The following SPTB variants were observed in gnomAD, a reference collection of about 807,000 sequenced individuals.
SPTB encodes spectrin beta, erythrocytic, also known as spectrin beta chain, erythrocytic.
Under a neutral mutation model 256.2 loss-of-function variants are expected in SPTB, and 45 were observed. The ratio of observed to expected loss-of-function variants is 0.18; its 90% CI spans 0.14 to 0.23. The LOEUF is 0.23. Ranked by LOEUF, SPTB falls within the 10% of genes least tolerant of loss-of-function variation. The pLI, the probability that SPTB is intolerant of heterozygous loss-of-function variation, is 1.00. For missense variants in SPTB, 2,715 were observed against 3,040.4 expected, an observed-to-expected ratio of 0.89 and a Z score of 2.52; for synonymous variants, 1,231 against 1,243.1, an observed-to-expected ratio of 0.99 and a Z score of 0.21.
At chr14:64,836,555 C>T (rs1056608058) in intron 1 of SPTB, among the ~76,000 whole-genome samples, 2 of 152,048 alleles carry the variant, frequency 1.3e-5, no homozygotes, top group Non-Finnish European at 2.9e-5. Context: ...TCCCCATTGC[C>T]CCTTCTGTGA....
At chr14:64,857,000 A>T (rs917087009) in intron 1 of SPTB, among the ~76,000 whole-genome samples, 1 of 152,178 alleles carries the variant, frequency 6.6e-6, no homozygotes, top group Non-Finnish European at 1.5e-5. Flanking sequence ...TCATTTGTTC[A>T]TATGGTCCTG....
Position 64,779,555 on chromosome 14 carries a change from G to A in SPTB, c.4473+170C>T, listed in dbSNP as rs1017349164. Reference sequence around the variant, plus strand: ...AGTGAACAGTGCATTCCCAACAAAAGCACTGGCTTGAGCTTTCCATTTAAT... The same window carrying A: ...AGTGAACAGTGCATTCCCAACAAAAACACTGGCTTGAGCTTTCCATTTAAT... On this transcript the variant is annotated intron_variant, in intron 21 of 35. Transcript: ENST00000644917. The surrounding 1 kb of genome is among the most constrained non-coding windows in gnomAD (Gnocchi z 4.2). 6.6e-6 allele frequency among the ~76,000 whole-genome samples: 1 copy of A among 152,202 alleles called. No individual in the cohort carries two copies. The highest frequency in any genetic ancestry group is 6.5e-5 in the Admixed American group (1 of 15,288).
Position 64,753,665 on chromosome 14 carries a change from C to A in SPTB, c.6474G>T (p.Thr2158=). 1 of 1,613,732 alleles carries A rather than the reference C, an allele frequency of 6.2e-7. No individual in the cohort carries two copies. The highest frequency in any genetic ancestry group is 8.5e-7 in the Non-Finnish European group (1 of 1,180,032). The change falls in exon 33 of 36, where the codon ACG becomes ACT. Residue 2158 remains threonine, a synonymous_variant. Coordinates refer to ENST00000644917, the MANE Select transcript of SPTB (RefSeq NM_001355436.2). ...CGGGCTCATCACCCTCGCTCAGAGGCGTATCTAGGACCTTAAAGAGGGGCT... is the reference window on the plus strand; with the variant it reads ...CGGGCTCATCACCCTCGCTCAGAGGAGTATCTAGGACCTTAAAGAGGGGCT... ...TTEPLFKVLD[T]PLSEGDEPAT...
At chr14:64,768,990 G>A in intron 29 of SPTB, 44 bp downstream of exon 29, 1 of 1,512,456 alleles carries the variant, frequency 6.6e-7, no homozygotes. Flanking sequence ...TACTCCTGCG[G>A]GGGTACTCCT....
chr14:64,841,759 T>A lies in SPTB; in HGVS notation c.-51-18614A>T, dbSNP rs1415800139. 7.1e-6 allele frequency among the ~76,000 whole-genome samples: 1 copy of A among 141,358 alleles called. No individual in the cohort carries two copies. The highest frequency in any genetic ancestry group is 3.0e-5 in the African/African-American group (1 of 33,426). 92.7% of individuals were successfully genotyped at this position (141,358 alleles called of 152,430 possible). A position where few individuals can be genotyped will look rare whatever the true frequency, so the allele number is the denominator to read the frequency against. ...ACATCCCATATATATATATATATTT[T>A]TTAAGGGTCTTTCTTTAACACAGCA... On this transcript the variant is annotated intron_variant, in intron 1 of 35. Coordinates refer to ENST00000644917, the MANE Select transcript of SPTB (RefSeq NM_001355436.2). This position sits in a 1 kb window ranked among gnomAD's most constrained non-coding sequence, Gnocchi z 4.6.
At chr14:64,809,448 C>T (rs1461440420) in intron 2 of SPTB, among the ~76,000 whole-genome samples, 2 of 151,672 alleles carry the variant, frequency 1.3e-5, no homozygotes, top group East Asian at 2.0e-4. Context: ...CGAGTTCAAG[C>T]GATTCTCTTG....
At chr14:64,805,924 C>T (rs1435398110) in intron 2 of SPTB, among the ~76,000 whole-genome samples, 1 of 152,144 alleles carries the variant, frequency 6.6e-6, no homozygotes, top group Admixed American at 6.5e-5. Context: ...CTATCTTTCT[C>T]AGCCCTGGGA....
chr14:64,782,282 T>A lies in SPTB; in HGVS notation c.4266+8A>T. The A allele has an allele frequency of 6.2e-7, 1 of 1,614,190 alleles. No homozygotes were observed. The highest frequency in any genetic ancestry group is 8.5e-7 in the Non-Finnish European group (1 of 1,180,046). ...CTAACACTCTGAGTCTACAACCCAC[T>A]CACGTGCCTTCAGCTTAGCCAACAT... On this transcript the variant is annotated splice_region_variant and intron_variant, in intron 20 of 35. Transcript: ENST00000644917.
chr14:64,784,109 A>G, intron 19 of SPTB, 138 bp downstream of exon 19: 1 of 1,274,254 alleles, frequency 7.8e-7, no homozygotes, highest in Non-Finnish European at 1.1e-6. Context: ...AGGTTTAGCT[A>G]CTATTTAGAA....
chr14:64,878,658 A>G (rs1470726163), intron 1 of SPTB, among the ~76,000 whole-genome samples: 1 of 152,060 alleles, frequency 6.6e-6, no homozygotes, highest in African/African-American at 2.4e-5. Flanking sequence ...TTAGAAACTA[A>G]AATACGGATC....
intron 2 of SPTB, among the ~76,000 whole-genome samples, chr14:64,809,968 A>G (rs770477905): frequency 1.3e-5 from 2 of 152,204 alleles, no homozygotes; most frequent in Non-Finnish European, 2.9e-5. Context: ...TTTTAAATAT[A>G]TTTAAATTAT....
intron 26 of SPTB, among the ~76,000 whole-genome samples, chr14:64,771,984 C>T (rs1021432456): frequency 2.6e-4 from 39 of 152,322 alleles, no homozygotes; most frequent in African/African-American, 8.9e-4. Flanking sequence ...AGCTCTGGGG[C>T]ACCCTACGGA....
In SPTB at chr14:64,782,310, G is replaced by T. The variant is rs975597244; in HGVS notation, c.4246C>A (p.Arg1416=). 1 of 1,614,168 alleles carries T rather than the reference G, an allele frequency of 6.2e-7. No homozygotes were observed. The part of the protein sequence containing the change: ...DPGKDLTSVN[R]MLAKLKRVED... ...CGTGCCTTCAGCTTAGCCAACATCC[G>T]ATTGACACTGGTCAGGTCCTTGCCC... The change falls in exon 20 of 36, where the codon CGG becomes AGG. Residue 1416 remains arginine, a synonymous_variant. Coordinates refer to ENST00000644917, the MANE Select transcript of SPTB (RefSeq NM_001355436.2).
rs146026815 is a variant in SPTB at position 64,776,680 on chromosome 14, G to T, written c.4564-1277C>A. On this transcript the variant is annotated intron_variant, in intron 22 of 35. Transcript: ENST00000644917. ...TGGTCTCAAACTCCTGGGCTCAGGC[G>T]ATCCACCCGCTTCGGCCTCCCAAAG... Among the ~76,000 whole-genome samples, 1,013 of 152,246 alleles carry T rather than the reference G, an allele frequency of 6.7e-3. 5 individuals carry two copies. The highest frequency in any genetic ancestry group is 0.014 in the Middle Eastern group (4 of 294).
chr14:64,758,035 T>C lies in SPTB; in HGVS notation c.6346-4242A>G, dbSNP rs545199265. ...TCTGGGGGAAGGGAGAGAACCTTCC[T>C]GACTCAGTTAGTGGGAGTGAGCCCA... is the stretch of plus-strand genomic sequence containing the variant. On this transcript the variant is annotated intron_variant, in intron 32 of 35. Transcript: ENST00000644917. The surrounding 1 kb of genome is among the most constrained non-coding windows in gnomAD (Gnocchi z 4.6). Among the ~76,000 whole-genome samples the C allele has an allele frequency of 6.6e-6, 1 of 152,354 alleles. No homozygotes were observed. Among genetic ancestry groups the C allele is most frequent in the South Asian group, 2.1e-4 (1 of 4,822 alleles).
rs777983876 is a variant in SPTB, at chr14:64,873,497, G to A, written c.-52+6295C>T. 1.3e-5 allele frequency among the ~76,000 whole-genome samples: 2 copies of A among 152,186 alleles called. No individual in the cohort carries two copies. Among genetic ancestry groups the A allele is most frequent in the Non-Finnish European group, 2.9e-5 (2 of 68,038 alleles). ...AACCCAAAACATCAATTAACGGGCA[G>A]ATGAACCCTTCATTTATCTATGGCA... is the stretch of plus-strand genomic sequence containing the variant. On this transcript the variant is annotated intron_variant, in intron 1 of 35. Transcript: ENST00000644917. The surrounding 1 kb of genome is among the most constrained non-coding windows in gnomAD (Gnocchi z 4.3).
At chr14:64,819,571 T>G (rs2083253739) in intron 2 of SPTB, among the ~76,000 whole-genome samples, 1 of 152,160 alleles carries the variant, frequency 6.6e-6, no homozygotes, top group African/African-American at 2.4e-5. Flanking sequence ...GCATGGGGCT[T>G]CATCTCATGG....
chr14:64,809,451 T>G (rs189955420), intron 2 of SPTB, among the ~76,000 whole-genome samples: 20 of 151,912 alleles, frequency 1.3e-4, no homozygotes, highest in African/African-American at 4.3e-4. Flanking sequence ...GTTCAAGCGA[T>G]TCTCTTGCCT....
chr14:64,821,734 T>A (rs1470078249), intron 2 of SPTB, among the ~76,000 whole-genome samples: 3 of 152,188 alleles, frequency 2.0e-5, no homozygotes, highest in Non-Finnish European at 4.4e-5. Context: ...GAGAGTTTCC[T>A]GTAAAGAGCA....
Sources: gnomAD v4.1 joint callset for allele counts (sites outside exome capture counted in the v4.1 genomes callset) on GRCh38, gnomAD v4.1.1 for gene constraint, Gnocchi (gnomAD v3.1) non-coding constraint, MANE v1.5 for transcripts, NCBI Gene and HGNC (gene_info 2026-07-23, HGNC 2026-07-21) for gene names.